Variants in DCT observed in about 807,000 individuals in gnomAD.
DCT encodes dopachrome tautomerase, also known as L-dopachrome tautomerase.
A neutral mutation model predicts 53.0 loss-of-function variants in DCT; 47 were observed. The observed-to-expected ratio is 0.89, with a 90% confidence interval of 0.70 to 1.13. DCT has a LOEUF of 1.13. Ranked by LOEUF, DCT falls within the 50% of genes most tolerant of loss-of-function variation. The pLI, the probability that DCT is intolerant of heterozygous loss-of-function variation, is 0.00. For missense variants in DCT, 669 were observed against 637.4 expected (o/e 1.05, Z -0.53); for synonymous variants, 244 against 237.0 (o/e 1.03, Z -0.27).
chr13:94,481,253 C>T (rs1382727372), upstream of DCT, among the ~76,000 whole-genome samples: 2 of 152,196 alleles, frequency 1.3e-5, no homozygotes, highest in East Asian at 1.9e-4. Flanking sequence ...AAAGAAGACT[C>T]TTTTTTCCAG....
At chr13:94,470,438 C>T (rs1369658764) in intron 1 of DCT, among the ~76,000 whole-genome samples, 5 of 152,322 alleles carry the variant, frequency 3.3e-5, no homozygotes, top group Middle Eastern at 3.4e-3. Flanking sequence ...AGACTTTTCC[C>T]TTCTTAGCCT....
the DCT span, among the ~76,000 whole-genome samples, chr13:94,538,277 C>T: frequency 6.6e-6 from 1 of 152,204 alleles, no homozygotes; most frequent in Non-Finnish European, 1.5e-5. Flanking sequence ...TTAATTCTCA[C>T]ACTAGCCCTA....
the DCT span, among the ~76,000 whole-genome samples, chr13:94,490,183 T>C: frequency 0.02 from 3,092 of 152,210 alleles, 99 homozygotes; most frequent in African/African-American, 0.07. Context: ...TTACACCAAG[T>C]TCATTACTTT....
chr13:94,443,405 G>T (rs776728644), intron 7 of DCT, 31 bp downstream of exon 7: 14 of 1,507,914 alleles, frequency 9.3e-6, no homozygotes, highest in Non-Finnish European at 1.3e-5. Flanking sequence ...GAAGATGAAT[G>T]AATCACCCAT....
At chr13:94,518,607 T>TA in the DCT span, among the ~76,000 whole-genome samples, 1 of 152,202 alleles carries the variant, frequency 6.6e-6, no homozygotes, top group Non-Finnish European at 1.5e-5. Context: ...CTCCACTTTT[T>TA]ACCAATGTAA....
chr13:94,468,595 C>T (rs947984320), intron 2 of DCT, 151 bp downstream of exon 2: 5 of 700,556 alleles, frequency 7.1e-6, no homozygotes, highest in Admixed American at 2.5e-5. Flanking sequence ...TAACTCCAGG[C>T]GGTATTTGAT....
Position 94,479,487 on chromosome 13 carries a change from C to A in DCT, c.-232G>T. ...TTATGTGATTCAAACAACTAACAGA[C>A]TTAATTTCCTTAGAAGCGCCTCTAA... On this transcript the variant is annotated 5_prime_UTR_variant, in exon 1 of 8. Transcript: ENST00000377028. 4.4e-6 allele frequency: 2 copies of A among 457,314 alleles called. No homozygotes were observed. The allele number at this position is 457,314 out of a possible 1,614,324, so 28.3% of individuals were successfully genotyped here.
At chr13:94,531,012 T>C in the DCT span, among the ~76,000 whole-genome samples, 61,459 of 151,454 alleles carry the variant, frequency 0.41, 13,159 homozygotes, top group East Asian at 0.62. Flanking sequence ...AAAAAGAGAG[T>C]CAAATCATAA....
At chr13:94,518,076 A>G in the DCT span, among the ~76,000 whole-genome samples, 1 of 149,436 alleles carries the variant, frequency 6.7e-6, no homozygotes, top group Non-Finnish European at 1.5e-5. Flanking sequence ...AGAAAAGAAA[A>G]GAAGGAAGGA....
chr13:94,514,334 G>A, the DCT span, among the ~76,000 whole-genome samples: 2 of 152,176 alleles, frequency 1.3e-5, no homozygotes, highest in South Asian at 4.1e-4. Context: ...GCATCAATGG[G>A]GTTCACTACA....
rs1594263638 is a variant in DCT, at chr13:94,439,626, G to T, written c.*272C>A. 1.9e-5 allele frequency: 2 copies of T among 104,022 alleles called. No individual in the cohort carries two copies. Among genetic ancestry groups the T allele is most frequent in the East Asian group, 1.9e-4 (1 of 5,334 alleles). The allele number at this position is 104,022 out of a possible 1,614,324, so 6.4% of individuals were successfully genotyped here. On this transcript the variant is annotated 3_prime_UTR_variant, in exon 8 of 8. Coordinates refer to ENST00000377028, the MANE Select transcript of DCT (RefSeq NM_001922.5). ...AAAAGGAGGAGGCTTAATCAATATT[G>T]GGGGGGGGGTTATTATTAGATATCA...
At chr13:94,475,185 G>A (rs1317754929) in intron 1 of DCT, among the ~76,000 whole-genome samples, 2 of 152,068 alleles carry the variant, frequency 1.3e-5, no homozygotes, top group African/African-American at 2.4e-5. Context: ...TGGGACACAC[G>A]GCTCATCACA....
intron 6 of DCT, among the ~76,000 whole-genome samples, chr13:94,447,990 G>A (rs1882840219): frequency 6.6e-6 from 1 of 152,180 alleles, no homozygotes; most frequent in Non-Finnish European, 1.5e-5. Flanking sequence ...GCTCATGCCT[G>A]TAATCCCAGC....
the DCT span, among the ~76,000 whole-genome samples, chr13:94,538,704 G>A: frequency 1.3e-5 from 2 of 152,200 alleles, no homozygotes; most frequent in African/African-American, 4.8e-5. Context: ...AAATACAACT[G>A]AGACCTCAGA....
At chr13:94,545,083 C>T in the DCT span, among the ~76,000 whole-genome samples, 2 of 152,110 alleles carry the variant, frequency 1.3e-5, no homozygotes, top group Non-Finnish European at 2.9e-5. Context: ...ATCATGGCAT[C>T]AGTGGGGTTC....
At chr13:94,492,498 C>A in the DCT span, among the ~76,000 whole-genome samples, 2 of 152,116 alleles carry the variant, frequency 1.3e-5, no homozygotes, top group African/African-American at 4.8e-5. Context: ...TCACTCCCTG[C>A]CTTCTGTTAA....
the DCT span, among the ~76,000 whole-genome samples, chr13:94,529,016 A>G: frequency 2.6e-5 from 4 of 152,210 alleles, no homozygotes; most frequent in Non-Finnish European, 4.4e-5. Context: ...CAGACTTTAA[A>G]CCAACAAACA....
chr13:94,546,930 C>A, the DCT span, among the ~76,000 whole-genome samples: 2 of 152,040 alleles, frequency 1.3e-5, no homozygotes, highest in South Asian at 2.1e-4. This position sits in a 1 kb window ranked among gnomAD's most constrained non-coding sequence, Gnocchi z 4.2. Flanking sequence ...GCTTCCCTCC[C>A]AAGCACTAGC....
At chr13:94,524,865 A>G in the DCT span, among the ~76,000 whole-genome samples, 1 of 152,172 alleles carries the variant, frequency 6.6e-6, no homozygotes, top group Non-Finnish European at 1.5e-5. Context: ...GCCCTAATCC[A>G]ATATGATCCG....
Sources: gnomAD v4.1 joint callset for allele counts (sites outside exome capture counted in the v4.1 genomes callset) on GRCh38, gnomAD v4.1.1 for gene constraint, Gnocchi (gnomAD v3.1) non-coding constraint, MANE v1.5 for transcripts, NCBI Gene and HGNC (gene_info 2026-07-23, HGNC 2026-07-21) for gene names.